The following ZNF362 variants were observed in gnomAD, a reference collection of about 807,000 sequenced individuals.
ZNF362 encodes rotund homolog.
Under a neutral mutation model 42.9 loss-of-function variants are expected in ZNF362, and 11 were observed. That is an observed-to-expected ratio of 0.26 (90% CI 0.16 to 0.42). The LOEUF is 0.42. Among genes scored for constraint, ZNF362 ranks in the 20% least tolerant of loss-of-function variants. The pLI, the probability that ZNF362 is intolerant of heterozygous loss-of-function variation, is 1.00. For missense variants in ZNF362, 362 were observed against 576.2 expected (o/e 0.63, Z 3.81); for synonymous variants, 255 against 257.3 (o/e 0.99, Z 0.09).
the ZNF362 span, chr1:33,181,479 C>G: frequency 6.5e-7 from 1 of 1,529,002 alleles, no homozygotes; most frequent in East Asian, 2.4e-5. The surrounding 1 kb of genome is among the most constrained non-coding windows in gnomAD (Gnocchi z 6.5). Context: ...AGGGGGGCGG[C>G]TGAGAGAGCG....
At chr1:33,160,718 T>A in the ZNF362 span, among the ~76,000 whole-genome samples, 4 of 152,244 alleles carry the variant, frequency 2.6e-5, no homozygotes, top group African/African-American at 7.2e-5. Context: ...GTCTTTATTT[T>A]AAAAAAATCA....
At chr1:33,171,039 G>A in the ZNF362 span, among the ~76,000 whole-genome samples, 1 of 152,150 alleles carries the variant, frequency 6.6e-6, no homozygotes, top group African/African-American at 2.4e-5. Context: ...CTTCTCAGAT[G>A]GCCAGAGCAG....
At chr1:33,205,362 G>C in the ZNF362 span, among the ~76,000 whole-genome samples, 1 of 151,992 alleles carries the variant, frequency 6.6e-6, no homozygotes, top group Non-Finnish European at 1.5e-5. Context: ...GTGCACGCCT[G>C]TGGTCCCAGA....
At chr1:33,293,482 A>G (rs912675805) in intron 6 of ZNF362, among the ~76,000 whole-genome samples, 3 of 152,124 alleles carry the variant, frequency 2.0e-5, no homozygotes, top group Non-Finnish European at 4.4e-5. Context: ...TAAGTCTAAC[A>G]CTGGGCCTGG....
At chr1:33,261,777 T>C (rs1456443891) in intron 1 of ZNF362, 2 of 152,108 alleles carry the variant, frequency 1.3e-5, no homozygotes, top group Non-Finnish European at 2.9e-5. Context: ...ATTCTACCCG[T>C]TGGGGAAACT....
At chr1:33,259,361 G>C (rs371853570) in intron 1 of ZNF362, among the ~76,000 whole-genome samples, 3 of 152,222 alleles carry the variant, frequency 2.0e-5, no homozygotes, top group Non-Finnish European at 4.4e-5. Context: ...GCAGTCTTGG[G>C]GGGTGGAGGC....
At chr1:33,283,017 T>A (rs1179771002) in intron 6 of ZNF362, among the ~76,000 whole-genome samples, 1 of 152,220 alleles carries the variant, frequency 6.6e-6, no homozygotes, top group Non-Finnish European at 1.5e-5. Flanking sequence ...GTCACGTGTT[T>A]GCCAATATCA....
chr1:33,293,208 A>G (rs1174274565), intron 6 of ZNF362, among the ~76,000 whole-genome samples: 1 of 152,204 alleles, frequency 6.6e-6, no homozygotes, highest in Non-Finnish European at 1.5e-5. Context: ...ATGAGCTGAC[A>G]TTTACTGGGC....
In ZNF362 at chr1:33,299,327, C is replaced by A; in HGVS notation, c.*281C>A. The A allele has an allele frequency of 4.0e-6, 1 of 249,854 alleles. No individual in the cohort carries two copies. Among genetic ancestry groups the A allele is most frequent in the East Asian group, 6.4e-5 (1 of 15,504 alleles). The allele number at this position is 249,854 out of a possible 1,614,324, so 15.5% of individuals were successfully genotyped here. On this transcript the variant is annotated 3_prime_UTR_variant, in exon 9 of 9. Transcript: ENST00000539719. ...CTTTTTGTTCCCCACCCTTCACTTG[C>A]TTCACTGTTTTTTTTTTTTTCGTTT... is the stretch of plus-strand genomic sequence containing the variant.
At chr1:33,200,375 GA>G in the ZNF362 span, 1 of 151,732 alleles carries the variant, frequency 6.6e-6, no homozygotes, top group African/African-American at 2.4e-5. Context: ...AAAAAAGGCA[GA>G]AAAAGAGAAA....
chr1:33,216,783 TA>T, the ZNF362 span, among the ~76,000 whole-genome samples: 2 of 151,222 alleles, frequency 1.3e-5, no homozygotes, highest in African/African-American at 4.9e-5. Context: ...TACAGGAAGG[TA>T]AAAAGACTTG....
At chr1:33,193,870 G>T in the ZNF362 span, among the ~76,000 whole-genome samples, 18 of 152,338 alleles carry the variant, frequency 1.2e-4, no homozygotes, top group African/African-American at 4.3e-4. Context: ...GGCAGTAACG[G>T]TACTAACAGC....
intron 6 of ZNF362, among the ~76,000 whole-genome samples, chr1:33,291,209 A>T (rs1274753715): frequency 1.3e-5 from 2 of 152,120 alleles, no homozygotes; most frequent in Non-Finnish European, 2.9e-5. Flanking sequence ...TCTAACATTT[A>T]AGTCTTTAAT....
chr1:33,168,719 G>C, the ZNF362 span, among the ~76,000 whole-genome samples: 3 of 152,242 alleles, frequency 2.0e-5, no homozygotes, highest in Non-Finnish European at 2.9e-5. Context: ...GTTTGCCTAA[G>C]AGAGTAGAAA....
the ZNF362 span, among the ~76,000 whole-genome samples, chr1:33,182,976 C>T: frequency 6.6e-6 from 1 of 152,146 alleles, no homozygotes; most frequent in African/African-American, 2.4e-5. Flanking sequence ...GTGAAGAAGA[C>T]AGGGAGCTTT....
At chr1:33,183,573 A>C in the ZNF362 span, among the ~76,000 whole-genome samples, 1 of 151,316 alleles carries the variant, frequency 6.6e-6, no homozygotes, top group East Asian at 1.9e-4. Flanking sequence ...TCATGGAGTG[A>C]GTCTTGTTTG....
the ZNF362 span, among the ~76,000 whole-genome samples, chr1:33,147,961 G>T: frequency 6.6e-6 from 1 of 152,206 alleles, no homozygotes; most frequent in African/African-American, 2.4e-5. This position sits in a 1 kb window ranked among gnomAD's most constrained non-coding sequence, Gnocchi z 8.1. Context: ...GGCTACAGCT[G>T]CTTGTTCACT....
chr1:33,288,596 T>A (rs1646048596), intron 6 of ZNF362, among the ~76,000 whole-genome samples: 1 of 151,400 alleles, frequency 6.6e-6, no homozygotes, highest in African/African-American at 2.4e-5. Context: ...TACAAAAAAA[T>A]TAGCCGAGCA....
the ZNF362 span, chr1:33,181,208 G>C: frequency 6.3e-7 from 1 of 1,583,030 alleles, no homozygotes; most frequent in Non-Finnish European, 8.5e-7. The surrounding 1 kb of genome is among the most constrained non-coding windows in gnomAD (Gnocchi z 6.5). Flanking sequence ...GGAAGGAGCT[G>C]TAGCGCTCCA....
Sources: allele counts gnomAD v4.1 joint callset (sites outside exome capture counted in the v4.1 genomes callset), GRCh38; gene constraint gnomAD v4.1.1; non-coding constraint Gnocchi (gnomAD v3.1); transcripts MANE v1.5; gene names NCBI Gene and HGNC (gene_info 2026-07-23, HGNC 2026-07-21).